Variants in TMTC2 observed in about 807,000 individuals in gnomAD.
The protein encoded by TMTC2 is transmembrane O-mannosyltransferase targeting cadherins 2.
Under a neutral mutation model 82.4 loss-of-function variants are expected in TMTC2, and 43 were observed. The ratio of observed to expected loss-of-function variants is 0.52; its 90% CI spans 0.41 to 0.67. The LOEUF (loss-of-function observed/expected upper bound fraction) is 0.67, where lower values mean the gene tolerates loss of function less well. TMTC2 is among the 30% of genes least tolerant of loss of function. The pLI, the probability that TMTC2 is intolerant of heterozygous loss-of-function variation, is 0.00. For missense variants in TMTC2, 919 were observed against 1,012.4 expected, an observed-to-expected ratio of 0.91 and a Z score of 1.25; for synonymous variants, 408 against 381.9, an observed-to-expected ratio of 1.07 and a Z score of -0.80.
In TMTC2 at chr12:82,930,503, C is replaced by A; in HGVS notation, c.1556C>A (p.Ala519Asp). 1 of 1,604,248 alleles carries A rather than the reference C, an allele frequency of 6.2e-7. No homozygotes were observed. Among genetic ancestry groups the A allele is most frequent in the Non-Finnish European group, 8.5e-7 (1 of 1,172,580 alleles). ...GAAGCTGAAAGCGCCTATAGAAATGCTTTGTACTACCGCAGCAACATGGCT... is the reference window on the plus strand; with the variant it reads ...GAAGCTGAAAGCGCCTATAGAAATGATTTGTACTACCGCAGCAACATGGCT... ...ISEAESAYRNALYYRSNMADM... is the reference protein window; with the variant it reads ...ISEAESAYRNDLYYRSNMADM... The change falls in exon 4 of 12, where the codon GCT becomes GAT. Residue 519 changes from alanine to aspartate, a missense_variant. By Grantham distance (126) the Ala-to-Asp change is moderately radical. Transcript: ENST00000321196.
At position 82,930,514 on chromosome 12, in the gene TMTC2, C is replaced by T. The variant is rs369924050; in HGVS notation, c.1567C>T (p.Arg523Cys). Reference protein sequence around the residue: ...ESAYRNALYYRSNMADMLYNL... With the variant: ...ESAYRNALYYCSNMADMLYNL... ...CGCCTATAGAAATGCTTTGTACTAC[C>T]GCAGCAACATGGCTGACATGCTTTA... The change falls in exon 4 of 12, where the codon CGC becomes TGC. Residue 523 changes from arginine to cysteine, a missense_variant. By Grantham distance (180) the Arg-to-Cys change is radical (BLOSUM62 -3). Coordinates refer to ENST00000321196, the MANE Select transcript of TMTC2 (RefSeq NM_152588.3). 29 of 1,598,850 alleles carry T rather than the reference C, an allele frequency of 1.8e-5. No individual in the cohort carries two copies. The highest frequency in any genetic ancestry group is 3.3e-5 in the South Asian group (3 of 89,734).
chr12:82,881,357 C>T (rs902778095), intron 2 of TMTC2, among the ~76,000 whole-genome samples: 9 of 152,094 alleles, frequency 5.9e-5, no homozygotes, highest in African/African-American at 9.7e-5. Flanking sequence ...TTTCCGACAT[C>T]GTAATTTCCA....
At position 82,830,121 on chromosome 12, in the gene TMTC2, A is replaced by G. The variant is rs1472841539; in HGVS notation, c.84-26889A>G. On this transcript the variant is annotated intron_variant, in intron 1 of 11. Transcript: ENST00000321196. Reference sequence around the variant, plus strand: ...ATGAGATTTGCCAGTGCCCTGAGAAAGCAAGCTTACGTTTTTTTTTCTTTA... The same window carrying G: ...ATGAGATTTGCCAGTGCCCTGAGAAGGCAAGCTTACGTTTTTTTTTCTTTA... Among the ~76,000 whole-genome samples the G allele has an allele frequency of 3.3e-5, 5 of 152,234 alleles. No homozygotes were observed. The South Asian group carries it at 1.0e-3, about 32-fold the overall frequency.
chr12:83,001,229 A>T (rs1326827863), intron 8 of TMTC2, among the ~76,000 whole-genome samples: 1 of 152,068 alleles, frequency 6.6e-6, no homozygotes, highest in East Asian at 1.9e-4. Flanking sequence ...TTTCTTTTCT[A>T]TTGCATTGTT....
intron 8 of TMTC2, among the ~76,000 whole-genome samples, chr12:83,014,817 C>T (rs1880604086): frequency 1.3e-5 from 2 of 152,112 alleles, no homozygotes; most frequent in Admixed American, 1.3e-4. Context: ...GATTTAGCTA[C>T]TGCTATCCCT....
At chr12:82,811,118 T>C (rs1163930129) in intron 1 of TMTC2, among the ~76,000 whole-genome samples, 1 of 151,798 alleles carries the variant, frequency 6.6e-6, no homozygotes, top group African/African-American at 2.4e-5. Flanking sequence ...CCCAGCTACT[T>C]GGGAGGCTGA....
In TMTC2 at chr12:82,719,599, C is replaced by T. The variant is rs114306763; in HGVS notation, c.83+31930C>T. ...AGCAAATGCCTTTTCCTTTTTTATA[C>T]CTAATTACTCATGTAGCAATTTCCT... On this transcript the variant is annotated intron_variant, in intron 1 of 11. Coordinates refer to ENST00000321196, the MANE Select transcript of TMTC2 (RefSeq NM_152588.3). 3.7e-3 allele frequency among the ~76,000 whole-genome samples: 566 copies of T among 151,536 alleles called. 2 individuals are homozygous for T. Among genetic ancestry groups the T allele is most frequent in the African/African-American group, 0.011 (462 of 41,330 alleles).
chr12:83,101,666 G>A (rs1884220405), intron 11 of TMTC2, among the ~76,000 whole-genome samples: 1 of 152,184 alleles, frequency 6.6e-6, no homozygotes, highest in Admixed American at 6.5e-5. Context: ...TTGGGTTTGG[G>A]ACCGAGCAGT....
At chr12:82,828,659 T>A (rs1279682838) in intron 1 of TMTC2, among the ~76,000 whole-genome samples, 3 of 152,188 alleles carry the variant, frequency 2.0e-5, no homozygotes, top group Non-Finnish European at 2.9e-5. Context: ...GTTTCTGTCC[T>A]TAAAATTTTT....
At chr12:83,120,217 T>C (rs560945331) in intron 11 of TMTC2, among the ~76,000 whole-genome samples, 3 of 152,324 alleles carry the variant, frequency 2.0e-5, no homozygotes, top group African/African-American at 7.2e-5. Flanking sequence ...TTGTTTTTGC[T>C]GTTTAACTTG....
chr12:82,832,970 G>A (rs1390880339), intron 1 of TMTC2, among the ~76,000 whole-genome samples: 1 of 152,172 alleles, frequency 6.6e-6, no homozygotes. Flanking sequence ...CACCATGCAA[G>A]AGATTTAGTA....
At chr12:82,976,433 C>T (rs1160947694) in intron 7 of TMTC2, among the ~76,000 whole-genome samples, 1 of 151,920 alleles carries the variant, frequency 6.6e-6, no homozygotes, top group Non-Finnish European at 1.5e-5. Context: ...CCATGTCTTT[C>T]CTGTGTTTGC....
intron 1 of TMTC2, among the ~76,000 whole-genome samples, chr12:82,800,158 C>T (rs571229645): frequency 1.3e-5 from 2 of 152,182 alleles, no homozygotes; most frequent in East Asian, 3.9e-4. Flanking sequence ...ATAATAGTGT[C>T]TCTCTCACAG....
intron 2 of TMTC2, among the ~76,000 whole-genome samples, chr12:82,892,296 T>C (rs1173446730): frequency 6.6e-6 from 1 of 152,214 alleles, no homozygotes; most frequent in Non-Finnish European, 1.5e-5. Context: ...TGTTTTTATG[T>C]CATTTTCATT....
rs546659924 is a variant in TMTC2 at position 82,994,747 on chromosome 12, A to G, written c.2070+8701A>G. Among the ~76,000 whole-genome samples, 43 of 152,232 alleles carry G rather than the reference A, an allele frequency of 2.8e-4. No individual in the cohort carries two copies. The South Asian group carries it at 8.7e-3, about 31-fold the overall frequency. On this transcript the variant is annotated intron_variant, in intron 8 of 11. Transcript: ENST00000321196. ...CAGTGGTGGTACAAAGACTAACAGC[A>G]TTCCCTTGGCCTCCGTGTATTTTAT... is the stretch of plus-strand genomic sequence containing the variant.
At chr12:82,720,597 T>G (rs1360234372) in intron 1 of TMTC2, among the ~76,000 whole-genome samples, 1 of 152,204 alleles carries the variant, frequency 6.6e-6, no homozygotes, top group Non-Finnish European at 1.5e-5. Context: ...TTTGGGTATA[T>G]ATGTAGCAGT....
chr12:82,872,446 T>C (rs1022545694), intron 2 of TMTC2, among the ~76,000 whole-genome samples: 1 of 152,364 alleles, frequency 6.6e-6, no homozygotes, highest in African/African-American at 2.4e-5. Context: ...TCAATTGACA[T>C]TGAAACATTT....
At chr12:82,952,825 G>A (rs551365294) in intron 4 of TMTC2, among the ~76,000 whole-genome samples, 12 of 152,094 alleles carry the variant, frequency 7.9e-5, no homozygotes, top group African/African-American at 2.7e-4. Context: ...CACCCACCTC[G>A]GCCTCCCAAA....
chr12:82,861,104 G>C (rs1050066274), intron 2 of TMTC2, among the ~76,000 whole-genome samples: 3 of 152,074 alleles, frequency 2.0e-5, no homozygotes, highest in African/African-American at 4.8e-5. Context: ...TCCTTGCTCT[G>C]TTAAAACATA....
Sources: gnomAD v4.1 joint callset for allele counts (sites outside exome capture counted in the v4.1 genomes callset) on GRCh38, gnomAD v4.1.1 for gene constraint, MANE v1.5 for transcripts, NCBI Gene and HGNC (gene_info 2026-07-23, HGNC 2026-07-21) for gene names.